Variants in ARL6IP6 observed in about 807,000 individuals in gnomAD.
The protein encoded by ARL6IP6 is ADP-ribosylation factor-like protein 6-interacting protein 6.
A neutral mutation model predicts 21.5 loss-of-function variants in ARL6IP6; 22 were observed. The ratio of observed to expected loss-of-function variants is 1.02; its 90% CI spans 0.73 to 1.46. The LOEUF (loss-of-function observed/expected upper bound fraction) is 1.46, where lower values mean the gene tolerates loss of function less well. ARL6IP6 is among the 40% of genes most tolerant of loss of function. The pLI, the probability that ARL6IP6 is intolerant of heterozygous loss-of-function variation, is 0.00. For missense variants in ARL6IP6, 388 were observed against 299.8 expected, an observed-to-expected ratio of 1.29 and a Z score of -2.17; for synonymous variants, 164 against 125.3, an observed-to-expected ratio of 1.31 and a Z score of -2.06.
At chr2:152,733,008 A>C (rs1455449581) in intron 2 of ARL6IP6, among the ~76,000 whole-genome samples, 1 of 152,028 alleles carries the variant, frequency 6.6e-6, no homozygotes, top group Non-Finnish European at 1.5e-5. Context: ...TGAGTCTTGA[A>C]TTTTTGTATC....
chr2:152,739,168 G>A (rs1700692240), intron 3 of ARL6IP6, among the ~76,000 whole-genome samples: 1 of 151,914 alleles, frequency 6.6e-6, no homozygotes, highest in African/African-American at 2.4e-5. Flanking sequence ...TGTATTTTTA[G>A]TAGAGACGGG....
At chr2:152,717,904 T>G, upstream of ARL6IP6, 1 of 1,001,366 alleles carries the variant, frequency 1.0e-6, no homozygotes, top group Non-Finnish European at 1.2e-6. Flanking sequence ...TGGGACCGAA[T>G]GCGCGCGCGC....
At chr2:152,718,143 G>A, upstream of ARL6IP6, 2 of 825,240 alleles carry the variant, frequency 2.4e-6, no homozygotes, top group Non-Finnish European at 2.9e-6. Context: ...CTTAATGGGG[G>A]AACCTGGAGA....
At chr2:152,742,811 C>T (rs142101669) in intron 3 of ARL6IP6, among the ~76,000 whole-genome samples, 25 of 152,166 alleles carry the variant, frequency 1.6e-4, no homozygotes, top group Admixed American at 5.2e-4. Context: ...CCACCCATCT[C>T]GTAGGTGTTA....
chr2:152,741,733 A>G (rs1188022532), intron 3 of ARL6IP6, among the ~76,000 whole-genome samples: 1 of 152,188 alleles, frequency 6.6e-6, no homozygotes, highest in African/African-American at 2.4e-5. Flanking sequence ...ACTTTGCAAG[A>G]TATATTTCCA....
At chr2:152,758,681 T>A (rs993600169) in intron 3 of ARL6IP6, among the ~76,000 whole-genome samples, 1 of 152,176 alleles carries the variant, frequency 6.6e-6, no homozygotes, top group African/African-American at 2.4e-5. Flanking sequence ...CATCAGGGTC[T>A]ATGTAGCTTC....
intron 3 of ARL6IP6, among the ~76,000 whole-genome samples, chr2:152,744,968 G>C (rs1700978265): frequency 6.6e-6 from 1 of 152,062 alleles, no homozygotes; most frequent in African/African-American, 2.4e-5. Flanking sequence ...AGAGTAACAT[G>C]ATCTATTACT....
intron 2 of ARL6IP6, among the ~76,000 whole-genome samples, chr2:152,733,983 CTT>C (rs1700441889): frequency 6.6e-6 from 1 of 152,116 alleles, no homozygotes; most frequent in Non-Finnish European, 1.5e-5. Context: ...TTTTTGAAAA[CTT>C]GACATCAAAA....
intron 3 of ARL6IP6, among the ~76,000 whole-genome samples, chr2:152,753,792 T>C (rs1559244054): frequency 6.7e-6 from 1 of 149,998 alleles, no homozygotes; most frequent in African/African-American, 2.4e-5. Context: ...CTCTGCCTCC[T>C]GGGTTCACAC....
At chr2:152,720,476 G>C (rs779837632) in intron 1 of ARL6IP6, 57 bp from the exon 2 acceptor site, 15 of 1,550,592 alleles carry the variant, frequency 9.7e-6, no homozygotes, top group Non-Finnish European at 1.2e-5. Context: ...CAGCCCTTGA[G>C]TTACTTTTCA....
chr2:152,749,268 C>A (rs376431856), intron 3 of ARL6IP6, among the ~76,000 whole-genome samples: 13 of 151,432 alleles, frequency 8.6e-5, no homozygotes, highest in African/African-American at 3.2e-4. Context: ...TAAAAGAAGT[C>A]GTTATGTAGG....
chr2:152,732,860 G>A (rs1218402835), intron 2 of ARL6IP6, among the ~76,000 whole-genome samples: 1 of 151,394 alleles, frequency 6.6e-6, no homozygotes, highest in Non-Finnish European at 1.5e-5. Flanking sequence ...TATTGGTTTT[G>A]ATTGGCATTA....
rs1701838453 is a variant in ARL6IP6, at chr2:152,761,389, G to A, written c.*1549G>A. ...ACTCTTCACCCTTTGACTCCAAAGA[G>A]CCCTTTCATTGCAAAGATGTACACA... On this transcript the variant is annotated 3_prime_UTR_variant, in exon 4 of 4. Transcript: ENST00000326446. The A allele has an allele frequency of 6.6e-6, 1 of 152,072 alleles. No homozygotes were observed. Among genetic ancestry groups the A allele is most frequent in the African/African-American group, 2.4e-5 (1 of 41,398 alleles). 9.4% of individuals were successfully genotyped at this position (152,072 alleles called of 1,614,324 possible). A position where few individuals can be genotyped will look rare whatever the true frequency, so the allele number is the denominator to read the frequency against.
intron 3 of ARL6IP6, among the ~76,000 whole-genome samples, chr2:152,735,462 T>C (rs1700508949): frequency 6.6e-6 from 1 of 152,224 alleles, no homozygotes; most frequent in South Asian, 2.1e-4. Flanking sequence ...TTTGAAAGTT[T>C]TACTAGGTTC....
chr2:152,743,922 G>A (rs1700928120), intron 3 of ARL6IP6, among the ~76,000 whole-genome samples: 1 of 152,126 alleles, frequency 6.6e-6, no homozygotes, highest in Admixed American at 6.5e-5. Flanking sequence ...GAAATAGCAT[G>A]TCTTGCAGTC....
At chr2:152,725,740 T>C (rs1186519952) in intron 2 of ARL6IP6, among the ~76,000 whole-genome samples, 1 of 152,310 alleles carries the variant, frequency 6.6e-6, no homozygotes, top group South Asian at 2.1e-4. Flanking sequence ...GGATATGTTG[T>C]AGATTCATAC....
intron 3 of ARL6IP6, among the ~76,000 whole-genome samples, chr2:152,741,429 G>C (rs985111967): frequency 2.6e-5 from 4 of 150,946 alleles, no homozygotes; most frequent in Non-Finnish European, 5.9e-5. Context: ...TAGTTGAAGT[G>C]GGAAAACCAT....
At chr2:152,751,290 A>T (rs1701318088) in intron 3 of ARL6IP6, among the ~76,000 whole-genome samples, 1 of 152,228 alleles carries the variant, frequency 6.6e-6, no homozygotes, top group African/African-American at 2.4e-5. Flanking sequence ...GTAATGATCA[A>T]ATCAGGCTAA....
At chr2:152,719,934 C>T (rs567043365) in intron 1 of ARL6IP6, 137 of 392,572 alleles carry the variant, frequency 3.5e-4, no homozygotes, top group African/African-American at 3.5e-3. Flanking sequence ...CATCTAAAAC[C>T]TTACAATGCT....
Sources: allele counts gnomAD v4.1 joint callset (sites outside exome capture counted in the v4.1 genomes callset), GRCh38; gene constraint gnomAD v4.1.1; transcripts MANE v1.5; gene names NCBI Gene and HGNC (gene_info 2026-07-23, HGNC 2026-07-21).